Variants in NR1I2 observed in about 807,000 individuals in gnomAD.
NR1I2 encodes the protein nuclear receptor subfamily 1 group I member 2.
Under a neutral mutation model 43.3 loss-of-function variants are expected in NR1I2, and 42 were observed. That is an observed-to-expected ratio of 0.97 (90% CI 0.76 to 1.26). NR1I2 has a LOEUF of 1.26. NR1I2 is among the 50% of genes most tolerant of loss of function. The probability of loss-of-function intolerance (pLI) is 0.00; values close to 1 mark genes in which losing one functional copy is unlikely to be tolerated. For missense variants in NR1I2, 559 were observed against 566.7 expected (o/e 0.99, Z 0.14); for synonymous variants, 229 against 215.0 (o/e 1.06, Z -0.57).
chr3:119,811,728 T>A lies in NR1I2; in HGVS notation c.519+2T>A. ...TTCTCCCATTTCAAGAATTTCCGGG[T>A]AGGAGGAACTGCACAGTGACCCGAG... On this transcript the variant is annotated splice_donor_variant, in intron 4 of 8. Coordinates refer to ENST00000393716, the MANE Select transcript of NR1I2 (RefSeq NM_003889.4). LOFTEE classifies it high-confidence loss of function. 1 of 1,603,958 alleles carries A rather than the reference T, an allele frequency of 6.2e-7. No homozygotes were observed. Among genetic ancestry groups the A allele is most frequent in the Non-Finnish European group, 8.5e-7 (1 of 1,174,664 alleles).
At chr3:119,814,677 A>C (rs567985307) in intron 5 of NR1I2, among the ~76,000 whole-genome samples, 1 of 152,330 alleles carries the variant, frequency 6.6e-6, no homozygotes, top group East Asian at 1.9e-4. Context: ...GCTGTAGGTC[A>C]GGATTTGTAT....
chr3:119,804,544 G>A (rs956064640), intron 1 of NR1I2, among the ~76,000 whole-genome samples: 5 of 148,794 alleles, frequency 3.4e-5, no homozygotes, highest in Admixed American at 1.3e-4. Context: ...TCCTGGGTTT[G>A]AGCGATTCTC....
chr3:119,782,883 C>A, intron 1 of NR1I2: 1 of 1,540,788 alleles, frequency 6.5e-7, no homozygotes, highest in South Asian at 1.1e-5. Context: ...ATTGAAAGGG[C>A]ACCTTGTCCC....
rs1421642994 is a variant in NR1I2 at position 119,812,825 on chromosome 3, G to A, written c.659G>A (p.Gly220Asp). The A allele has an allele frequency of 1.2e-6, 2 of 1,614,230 alleles. No homozygotes were observed. The highest frequency in any genetic ancestry group is 2.2e-5 in the East Asian group (1 of 44,882). The change falls in exon 5 of 9, where the codon GGC becomes GAC. Residue 220 changes from glycine (G) to aspartate (D), a missense_variant. Around this residue, in one of 3 missense-constraint regions of NR1I2, gnomAD observed 323 missense variants for 312.2 expected, o/e 1.03. Transcript: ENST00000393716. ...TCTCTGCAGCTGCGGGGGGAGGATG[G>A]CAGTGTCTGGAACTACAAACCCCCA...
chr3:119,785,270 T>C (rs2054829315), intron 1 of NR1I2, among the ~76,000 whole-genome samples: 1 of 152,214 alleles, frequency 6.6e-6, no homozygotes, highest in Non-Finnish European at 1.5e-5. Flanking sequence ...TATGAACTCA[T>C]TTGGAAACTT....
Position 119,807,447 on chromosome 3 carries a change from G to T in NR1I2, c.197G>T (p.Arg66Met). ...TGTGAAGGATGCAAGGGCTTTTTCA[G>T]GTAGAGTTACCCATCAGCCTTCACC... is the stretch of plus-strand genomic sequence containing the variant. Residue 66 changes from arginine (R) to methionine (M), a missense_variant and splice_region_variant, in exon 2 of 9, where the codon AGG becomes ATG. By Grantham distance (91) the Arg-to-Met change is moderately conservative. Transcript: ENST00000393716. 3 of 1,613,052 alleles carry T rather than the reference G, an allele frequency of 1.9e-6. No homozygotes were observed. Among genetic ancestry groups the T allele is most frequent in the Non-Finnish European group, 2.5e-6 (3 of 1,179,878 alleles).
intron 1 of NR1I2, among the ~76,000 whole-genome samples, chr3:119,798,409 T>A (rs574771937): frequency 1.3e-5 from 2 of 152,314 alleles, no homozygotes; most frequent in Admixed American, 1.3e-4. Flanking sequence ...TATTGAGAGA[T>A]ACCTTATGTA....
At chr3:119,810,271 G>A in intron 3 of NR1I2, 77 bp downstream of exon 3, 2 of 1,522,064 alleles carry the variant, frequency 1.3e-6, no homozygotes, top group Non-Finnish European at 1.8e-6. Flanking sequence ...GTGTGGGCAT[G>A]CTTGTGTGGA....
rs773253505 is a variant in NR1I2 at position 119,812,837 on chromosome 3, A to G, written c.671A>G (p.Asn224Ser). ...CGGGGGGAGGATGGCAGTGTCTGGAACTACAAACCCCCAGCCGACAGTGGC... is the reference window on the plus strand; with the variant it reads ...CGGGGGGAGGATGGCAGTGTCTGGAGCTACAAACCCCCAGCCGACAGTGGC... Residue 224 changes from asparagine to serine, a missense_variant, in exon 5 of 9, where the codon AAC becomes AGC. By Grantham distance (46) the Asn-to-Ser change is conservative (BLOSUM62 1). Transcript: ENST00000393716. 6.2e-7 allele frequency: 1 copy of G among 1,614,180 alleles called. No homozygotes were observed. Among genetic ancestry groups the G allele is most frequent in the East Asian group, 2.2e-5 (1 of 44,878 alleles).
rs770033074 is a variant in NR1I2, at chr3:119,811,526, A to G, written c.332-13A>G. The G allele has an allele frequency of 6.2e-7, 1 of 1,602,294 alleles. No homozygotes were observed. The highest frequency in any genetic ancestry group is 1.7e-5 in the Admixed American group (1 of 59,432). On this transcript the variant is annotated splice_polypyrimidine_tract_variant and intron_variant, in intron 3 of 8. Transcript: ENST00000393716. Reference sequence around the variant, plus strand: ...GGGCACGTGTGCCTGAGCCAGCCTCACTGTCCCTGCAGTGATCATGTCCGA... The same window carrying G: ...GGGCACGTGTGCCTGAGCCAGCCTCGCTGTCCCTGCAGTGATCATGTCCGA...
intron 1 of NR1I2, among the ~76,000 whole-genome samples, chr3:119,786,872 T>G (rs529075688): frequency 8.5e-5 from 13 of 152,306 alleles, no homozygotes; most frequent in African/African-American, 2.9e-4. Context: ...TTAATAATAC[T>G]TGATTTGTTT....
chr3:119,791,919 C>T (rs2054924249), intron 1 of NR1I2: 2 of 647,804 alleles, frequency 3.1e-6, no homozygotes, highest in Non-Finnish European at 5.8e-6. Context: ...GGATGCTGGG[C>T]ACAGAACTGT....
At chr3:119,810,276 T>G in intron 3 of NR1I2, 82 bp downstream of exon 3, 1 of 1,515,102 alleles carries the variant, frequency 6.6e-7, no homozygotes, top group Non-Finnish European at 8.9e-7. Flanking sequence ...GGCATGCTTG[T>G]GTGGAGATGC....
At chr3:119,815,474 C>G (rs373038373) in intron 7 of NR1I2, 35 bp downstream of exon 7, 19 of 1,525,484 alleles carry the variant, frequency 1.2e-5, no homozygotes, top group East Asian at 9.0e-5. Context: ...GACATCCCCC[C>G]CAGCCTTATC....
chr3:119,810,460 C>T (rs1429986732), intron 3 of NR1I2: 1 of 554,498 alleles, frequency 1.8e-6, no homozygotes, highest in South Asian at 2.3e-5. Flanking sequence ...TCTGTCTCCC[C>T]TCAGTTGCTC....
At chr3:119,793,043 C>G (rs745672894) in intron 1 of NR1I2, among the ~76,000 whole-genome samples, 5 of 151,926 alleles carry the variant, frequency 3.3e-5, no homozygotes, top group African/African-American at 4.8e-5. Context: ...TTAAAGAGCC[C>G]GGCACCTCCT....
At chr3:119,798,608 C>G (rs2055031474) in intron 1 of NR1I2, among the ~76,000 whole-genome samples, 1 of 144,300 alleles carries the variant, frequency 6.9e-6, no homozygotes, top group South Asian at 2.2e-4. Flanking sequence ...CCACTGCACT[C>G]CAGCCTGGGC....
chr3:119,796,479 A>T (rs1244994408), intron 1 of NR1I2, among the ~76,000 whole-genome samples: 1 of 152,156 alleles, frequency 6.6e-6, no homozygotes, highest in Non-Finnish European at 1.5e-5. Context: ...TCCATTGTCC[A>T]GCCCTGAGCT....
At chr3:119,792,222 G>T (rs1417910208) in intron 1 of NR1I2, 1 of 1,526,480 alleles carries the variant, frequency 6.6e-7, no homozygotes. Flanking sequence ...GGCTCGCTTT[G>T]ATGCTGGAGA....
Sources: gnomAD v4.1 joint callset for allele counts (sites outside exome capture counted in the v4.1 genomes callset) on GRCh38, gnomAD v4.1.1 for gene constraint, gnomAD v4.1.1 regional missense constraint, MANE v1.5 for transcripts, NCBI Gene and HGNC (gene_info 2026-07-23, HGNC 2026-07-21) for gene names.